The following C8orf34 variants were observed in gnomAD, a reference collection of about 807,000 sequenced individuals.
The protein encoded by C8orf34 is uncharacterized protein C8orf34.
Under a neutral mutation model 68.3 loss-of-function variants are expected in C8orf34, and 65 were observed. The ratio of observed to expected loss-of-function variants is 0.95; its 90% CI spans 0.78 to 1.17. The LOEUF (loss-of-function observed/expected upper bound fraction) is 1.17, where lower values mean the gene tolerates loss of function less well. Among genes scored for constraint, C8orf34 ranks in the 50% most tolerant of loss-of-function variants. The probability of loss-of-function intolerance (pLI) is 0.00; values close to 1 mark genes in which losing one functional copy is unlikely to be tolerated. For missense variants in C8orf34, 664 were observed against 655.4 expected (o/e 1.01, Z -0.14); for synonymous variants, 244 against 241.2 (o/e 1.01, Z -0.11).
chr8:68,559,673 C>T (rs374382878), intron 7 of C8orf34, among the ~76,000 whole-genome samples: 1 of 151,976 alleles, frequency 6.6e-6, no homozygotes, highest in African/African-American at 2.4e-5. Flanking sequence ...TTATAGATGT[C>T]GAAAAACACC....
At chr8:68,445,063 A>G (rs1426416201) in intron 2 of C8orf34, among the ~76,000 whole-genome samples, 1 of 152,192 alleles carries the variant, frequency 6.6e-6, no homozygotes, top group African/African-American at 2.4e-5. Flanking sequence ...AACCTTATCT[A>G]TGGAAATACT....
chr8:68,419,884 C>T (rs1187553201), intron 1 of C8orf34, among the ~76,000 whole-genome samples: 5 of 145,832 alleles, frequency 3.4e-5, no homozygotes, highest in Admixed American at 6.9e-5. Context: ...TGCGAGATGA[C>T]GAGTTAGTGG....
At chr8:68,804,237 T>C (rs1036207333) in intron 12 of C8orf34, among the ~76,000 whole-genome samples, 2 of 152,204 alleles carry the variant, frequency 1.3e-5, no homozygotes, top group African/African-American at 2.4e-5. Context: ...GCAATTGTTT[T>C]ATAATGCTCA....
intron 1 of C8orf34, among the ~76,000 whole-genome samples, chr8:68,353,617 TAC>T (rs1806614419): frequency 7.3e-6 from 1 of 137,368 alleles, no homozygotes; most frequent in South Asian, 2.3e-4. Context: ...CATATATATA[TAC>T]AGTTGATTAT....
chr8:68,463,008 T>C (rs568750184), intron 3 of C8orf34, among the ~76,000 whole-genome samples: 3 of 152,010 alleles, frequency 2.0e-5, no homozygotes, highest in Non-Finnish European at 4.4e-5. Context: ...CAGGAGCTGG[T>C]TTTTTGAAGG....
At chr8:68,460,024 T>A (rs1371771536) in intron 3 of C8orf34, among the ~76,000 whole-genome samples, 1 of 152,128 alleles carries the variant, frequency 6.6e-6, no homozygotes, top group Non-Finnish European at 1.5e-5. Flanking sequence ...GTCAGGGAGT[T>A]CCCTTTCCTA....
intron 1 of C8orf34, among the ~76,000 whole-genome samples, chr8:68,422,873 C>T (rs1221682627): frequency 1.3e-5 from 2 of 152,210 alleles, no homozygotes; most frequent in Non-Finnish European, 2.9e-5. Flanking sequence ...ACAGGCTCAA[C>T]ACTACATGGA....
intron 10 of C8orf34, among the ~76,000 whole-genome samples, chr8:68,765,671 C>T (rs115569214): frequency 1.0e-3 from 155 of 152,280 alleles, no homozygotes; most frequent in African/African-American, 3.4e-3. Flanking sequence ...TTACTAGTGA[C>T]GCTGTTAATG....
chr8:68,424,782 C>G (rs1469588224), intron 1 of C8orf34, among the ~76,000 whole-genome samples: 2 of 151,980 alleles, frequency 1.3e-5, no homozygotes, highest in Non-Finnish European at 2.9e-5. Flanking sequence ...CGCCTGTAGT[C>G]CCAGCTACTT....
chr8:68,629,850 C>T (rs776631786), intron 7 of C8orf34, among the ~76,000 whole-genome samples: 5 of 151,380 alleles, frequency 3.3e-5, no homozygotes, highest in East Asian at 1.9e-4. Context: ...ATGATAAGGG[C>T]GTGCGTATGT....
intron 3 of C8orf34, among the ~76,000 whole-genome samples, chr8:68,466,539 C>G (rs1322511931): frequency 6.6e-6 from 1 of 150,956 alleles, no homozygotes; most frequent in East Asian, 1.9e-4. Context: ...TAAAATGCAC[C>G]ATGGAAGTAT....
chr8:68,606,010 G>A (rs568079747), intron 7 of C8orf34, among the ~76,000 whole-genome samples: 31 of 152,106 alleles, frequency 2.0e-4, no homozygotes, highest in African/African-American at 6.0e-4. Context: ...GCTCAGTTTC[G>A]CTGTGAACAT....
chr8:68,790,904 C>A, intron 12 of C8orf34: 1 of 698,410 alleles, frequency 1.4e-6, no homozygotes, highest in Non-Finnish European at 2.6e-6. Flanking sequence ...AAGTTGAGAA[C>A]TAGAAGAAAA....
Position 68,794,066 on chromosome 8 carries a change from CTT to C in C8orf34, c.1549+6531_1549+6532del, listed in dbSNP as rs777368137. 2.6e-5 allele frequency among the ~76,000 whole-genome samples: 4 copies of C among 152,110 alleles called. No homozygotes were observed. In the East Asian group the frequency reaches 7.7e-4, roughly 29 times the overall value. On this transcript the variant is annotated intron_variant, in intron 12 of 13. Coordinates refer to ENST00000518698, the MANE Select transcript of C8orf34 (RefSeq NM_052958.4). ...TTCATAAGCTATGAGGGTCTTTAAA[CTT>C]ATAGGTGCATGCAGGTTGAGTATCT...
chr8:68,614,767 T>G (rs1343670130), intron 7 of C8orf34, among the ~76,000 whole-genome samples: 15 of 152,212 alleles, frequency 9.9e-5, no homozygotes, highest in Admixed American at 9.8e-4. Context: ...GACTTGGCAA[T>G]GTGGGCTCTT....
In C8orf34 at chr8:68,332,475, C is replaced by T. The variant is rs572851228; in HGVS notation, c.327+1136C>T. Among the ~76,000 whole-genome samples the T allele has an allele frequency of 2.4e-4, 34 of 139,002 alleles. No individual in the cohort carries two copies. The East Asian group carries it at 6.2e-3, about 25-fold the overall frequency. The allele number at this position is 139,002 out of a possible 152,430, so 91.2% of individuals were successfully genotyped here. A position where few individuals can be genotyped will look rare whatever the true frequency, so the allele number is the denominator to read the frequency against. On this transcript the variant is annotated intron_variant, in intron 1 of 13. Coordinates refer to ENST00000518698, the MANE Select transcript of C8orf34 (RefSeq NM_052958.4). ...TTGGTATGGGGAGGAGGTTACGTGT[C>T]AGTGTCTGAGAGAGGCAGAATCGCG...
chr8:68,582,582 A>T (rs1220883024), intron 7 of C8orf34, among the ~76,000 whole-genome samples: 1 of 152,082 alleles, frequency 6.6e-6, no homozygotes, highest in Non-Finnish European at 1.5e-5. Flanking sequence ...GCAGAAAGGC[A>T]GGAGAAGGTC....
chr8:68,630,131 T>C (rs1213248122), intron 7 of C8orf34, among the ~76,000 whole-genome samples: 1 of 152,076 alleles, frequency 6.6e-6, no homozygotes, highest in Non-Finnish European at 1.5e-5. Flanking sequence ...ACATATATCA[T>C]AAAATAGCAC....
At chr8:68,709,132 T>G in intron 9 of C8orf34, 53 bp downstream of exon 9, 1 of 1,356,012 alleles carries the variant, frequency 7.4e-7, no homozygotes, top group South Asian at 1.2e-5. Flanking sequence ...ACTTAAAGAT[T>G]AAAGAAGTAA....
Sources: gnomAD v4.1 joint callset for allele counts (sites outside exome capture counted in the v4.1 genomes callset) on GRCh38, gnomAD v4.1.1 for gene constraint, MANE v1.5 for transcripts, NCBI Gene and HGNC (gene_info 2026-07-23, HGNC 2026-07-21) for gene names.